Variants in MRC2 observed in about 807,000 individuals in gnomAD.
MRC2 encodes the protein mannose receptor C-type 2.
In MRC2, 84 loss-of-function variants were observed where a neutral mutation model predicts 206.2. That is an observed-to-expected ratio of 0.41 (90% CI 0.34 to 0.49). The LOEUF is 0.49. Ranked by LOEUF, MRC2 falls within the 20% of genes least tolerant of loss-of-function variation. MRC2 has a pLI of 0.31. For missense variants in MRC2, 1,676 were observed against 2,001.5 expected (o/e 0.84, Z 3.10); for synonymous variants, 798 against 800.0 (o/e 1.00, Z 0.04).
chr17:62,634,921 T>C (rs1286353227), intron 1 of MRC2, among the ~76,000 whole-genome samples: 1 of 151,278 alleles, frequency 6.6e-6, no homozygotes, highest in African/African-American at 2.4e-5. Context: ...ACTTCCACCT[T>C]CCGAGTTCAG....
At chr17:62,640,291 CTGGTGTCTTTGTTCATTCATTCAGTTAAT>C (rs1363349807) in intron 1 of MRC2, among the ~76,000 whole-genome samples, 2 of 152,048 alleles carry the variant, frequency 1.3e-5, no homozygotes, top group African/African-American at 2.4e-5. Flanking sequence ...ATTCAGTTAA[CTGGTGTCTTTGTTCATTCATTCAGTTAAT>C]TGGTGTCTTT....
chr17:62,680,219 G>T lies in MRC2; in HGVS notation c.2348G>T (p.Arg783Leu), dbSNP rs1487997233. Reference protein sequence around the residue: ...DRSRHDDDDIRGCAVLDLASL... With the variant: ...DRSRHDDDDILGCAVLDLASL... ...AGCCGGCACGACGACGACGACATCC[G>T]AGGCTGTGCGGTGCTGGACCTGGCC... Residue 783 changes from arginine to leucine, a missense_variant, in exon 15 of 30, where the codon CGA becomes CTA. Around this residue, in one of 3 missense-constraint regions of MRC2, gnomAD observed 1,354 missense variants for 1,636.6 expected, o/e 0.83. Coordinates refer to ENST00000303375, the MANE Select transcript of MRC2 (RefSeq NM_006039.5). This position sits in a 1 kb window ranked among gnomAD's most constrained non-coding sequence, Gnocchi z 4.8. The T allele has an allele frequency of 2.5e-6, 4 of 1,614,010 alleles. No individual in the cohort carries two copies. Among genetic ancestry groups the T allele is most frequent in the Admixed American group, 1.7e-5 (1 of 59,998 alleles).
rs372971962 is a variant in MRC2, at chr17:62,652,209, G to A, written c.119-12339G>A. Among the ~76,000 whole-genome samples the A allele has an allele frequency of 1.3e-5, 2 of 152,194 alleles. No homozygotes were observed. Among genetic ancestry groups the A allele is most frequent in the Admixed American group, 6.5e-5 (1 of 15,280 alleles). On this transcript the variant is annotated intron_variant, in intron 1 of 29. Coordinates refer to ENST00000303375, the MANE Select transcript of MRC2 (RefSeq NM_006039.5). The surrounding 1 kb of genome is among the most constrained non-coding windows in gnomAD (Gnocchi z 4.6). ...TATGGATGTCTCCTAATAAAGTCACGCAGTCACTCACTGGTTCGTCCTCAA... is the reference window on the plus strand; with the variant it reads ...TATGGATGTCTCCTAATAAAGTCACACAGTCACTCACTGGTTCGTCCTCAA...
chr17:62,650,868 G>A (rs905258555), intron 1 of MRC2, among the ~76,000 whole-genome samples: 5 of 152,172 alleles, frequency 3.3e-5, no homozygotes, highest in East Asian at 3.9e-4. Flanking sequence ...CGGTATTGAC[G>A]TAAATGATAT....
chr17:62,636,432 TTA>T (rs2088319632), intron 1 of MRC2, among the ~76,000 whole-genome samples: 1 of 150,932 alleles, frequency 6.6e-6, no homozygotes, highest in Admixed American at 6.6e-5. Flanking sequence ...CCAATGAAGA[TTA>T]GTAGTAGTTC....
chr17:62,690,128 G>A (rs769003604), intron 25 of MRC2, 28 bp from the exon 26 acceptor site: 2 of 1,588,548 alleles, frequency 1.3e-6, no homozygotes, highest in African/African-American at 1.3e-5. Flanking sequence ...AGGGTGCTGA[G>A]CCACTTCTTA....
At chr17:62,687,834 G>T (rs997536003) in intron 20 of MRC2, among the ~76,000 whole-genome samples, 4 of 151,802 alleles carry the variant, frequency 2.6e-5, no homozygotes, top group Non-Finnish European at 4.4e-5. Flanking sequence ...AGTGAGCCGA[G>T]ATGGCGCCAC....
chr17:62,666,380 C>T lies in MRC2; in HGVS notation c.695-75C>T. The T allele has an allele frequency of 1.2e-6, 2 of 1,604,906 alleles. No homozygotes were observed. Among genetic ancestry groups the T allele is most frequent in the Non-Finnish European group, 8.5e-7 (1 of 1,176,740 alleles). On this transcript the variant is annotated intron_variant, in intron 3 of 29. Coordinates refer to ENST00000303375, the MANE Select transcript of MRC2 (RefSeq NM_006039.5). This position sits in a 1 kb window ranked among gnomAD's most constrained non-coding sequence, Gnocchi z 5.0. Reference sequence around the variant, plus strand: ...TGCCCCCTCCCCTACCTAGTGTAGCCTTTTGGTGGGGGAGGGTCTGCACTC... The same window carrying T: ...TGCCCCCTCCCCTACCTAGTGTAGCTTTTTGGTGGGGGAGGGTCTGCACTC...
chr17:62,636,088 AT>A (rs1210168049), intron 1 of MRC2, among the ~76,000 whole-genome samples: 274 of 144,066 alleles, frequency 1.9e-3, no homozygotes, highest in Admixed American at 2.8e-3. Context: ...CGCCCGGCCA[AT>A]TTTTTTTTTT....
chr17:62,661,470 G>A (rs1049529264), intron 1 of MRC2, among the ~76,000 whole-genome samples: 2 of 151,826 alleles, frequency 1.3e-5, no homozygotes, highest in South Asian at 2.1e-4. Flanking sequence ...TTTGGTAGAA[G>A]CTCTTCTTTC....
chr17:62,661,786 G>C (rs974024701), intron 1 of MRC2: 4 of 151,912 alleles, frequency 2.6e-5, no homozygotes, highest in African/African-American at 9.7e-5. Flanking sequence ...ATATATTTTT[G>C]TCATTTATTT....
Position 62,690,950 on chromosome 17 carries a change from A to C in MRC2, c.4014A>C (p.Gly1338=). The C allele has an allele frequency of 6.3e-7, 1 of 1,597,620 alleles. No individual in the cohort carries two copies. The part of the protein sequence containing the change: ...AWLGMNFNPK[G]GTLVWQDNTA... ...CCCTCAGTGCCTTCTTTCCTGCAGG[A>C]GGCACTCTGGTCTGGCAGGACAACA... The change falls in exon 28 of 30, where the codon GGA becomes GGC. Residue 1338 remains glycine (G), a splice_region_variant and synonymous_variant. Transcript: ENST00000303375.
In MRC2 at chr17:62,664,460, C is replaced by T; in HGVS notation, c.119-88C>T. 1 of 1,411,754 alleles carries T rather than the reference C, an allele frequency of 7.1e-7. No homozygotes were observed. Among genetic ancestry groups the T allele is most frequent in the Admixed American group, 2.0e-5 (1 of 50,188 alleles). The allele number at this position is 1,411,754 out of a possible 1,614,324, so 87.5% of individuals were successfully genotyped here. ...ACGGCTCACCATCCTGCACTGGGCA[C>T]ATGGTAGGTGCCTGTCAGCCACACC... On this transcript the variant is annotated intron_variant, in intron 1 of 29. Transcript: ENST00000303375. This position sits in a 1 kb window ranked among gnomAD's most constrained non-coding sequence, Gnocchi z 4.7.
Position 62,680,535 on chromosome 17 carries a change from G to A in MRC2, c.2473+82G>A, listed in dbSNP as rs2088951218. 3 of 1,560,504 alleles carry A rather than the reference G, an allele frequency of 1.9e-6. No individual in the cohort carries two copies. In the South Asian group the frequency reaches 3.4e-5, roughly 18 times the overall value. ...GGGGTAAGTCCCGAGAGGCCTGAAT[G>A]AAATGGAGGGGATGAGGAGTTCCGG... is the stretch of plus-strand genomic sequence containing the variant. On this transcript the variant is annotated intron_variant, in intron 16 of 29. Transcript: ENST00000303375. This position sits in a 1 kb window ranked among gnomAD's most constrained non-coding sequence, Gnocchi z 4.8.
chr17:62,665,945 C>T, intron 2 of MRC2, 149 bp from the exon 3 acceptor site: 1 of 756,786 alleles, frequency 1.3e-6, no homozygotes, highest in South Asian at 1.9e-5. Context: ...GCCTTAAAGC[C>T]ACTATGGGGT....
chr17:62,676,358 G>A (rs752903244), intron 10 of MRC2, 25 bp from the exon 11 acceptor site: 7 of 1,612,388 alleles, frequency 4.3e-6, no homozygotes, highest in Non-Finnish European at 5.1e-6. Context: ...GGAGATCCCT[G>A]CCCTGACCAG....
In MRC2 at chr17:62,689,925, A is replaced by G; in HGVS notation, c.3605A>G (p.Glu1202Gly). Residue 1202 changes from glutamate (E) to glycine (G), a missense_variant, in exon 25 of 30, where the codon GAG becomes GGG. Physicochemically the swap from Glu to Gly is moderately conservative, Grantham distance 98 (BLOSUM62 -2). Coordinates refer to ENST00000303375, the MANE Select transcript of MRC2 (RefSeq NM_006039.5). The part of the protein sequence containing the change: ...GSRRYSWVSE[E>G]PLNYVGWQDG... ...CGGCGGTACTCCTGGGTCTCAGAGGAGCCGCTGAACTACGTGGGCTGGCAG... is the reference window on the plus strand; with the variant it reads ...CGGCGGTACTCCTGGGTCTCAGAGGGGCCGCTGAACTACGTGGGCTGGCAG... The G allele has an allele frequency of 6.2e-7, 1 of 1,605,862 alleles. No homozygotes were observed. Among genetic ancestry groups the G allele is most frequent in the Non-Finnish European group, 8.5e-7 (1 of 1,177,310 alleles).
At chr17:62,665,388 G>A (rs1412651521) in intron 2 of MRC2, among the ~76,000 whole-genome samples, 2 of 138,628 alleles carry the variant, frequency 1.4e-5, no homozygotes, top group East Asian at 2.1e-4. Context: ...CTGGGTGACA[G>A]AGCAAGACTC....
Position 62,690,687 on chromosome 17 carries a change from TTGTC to T in MRC2, c.3941_3944del (p.Val1314GlyfsTer18), listed in dbSNP as rs761626028. The T allele has an allele frequency of 2.5e-6, 4 of 1,613,010 alleles. No individual in the cohort carries two copies. The highest frequency in any genetic ancestry group is 3.4e-6 in the Non-Finnish European group (4 of 1,179,550). The stretch of plus-strand genomic sequence containing the variant: ...ATCCTGGATGAGATGGAGAATGTGT[TTGTC>T]TGGGAGCACCTGCAGAGCTATGAGG... On this transcript the variant is annotated frameshift_variant, in exon 27 of 30. Coordinates refer to ENST00000303375, the MANE Select transcript of MRC2 (RefSeq NM_006039.5). LOFTEE classifies it high-confidence loss of function.
Sources: allele counts gnomAD v4.1 joint callset (sites outside exome capture counted in the v4.1 genomes callset), GRCh38; gene constraint gnomAD v4.1.1; regional missense constraint gnomAD v4.1.1; non-coding constraint Gnocchi (gnomAD v3.1); transcripts MANE v1.5; gene names NCBI Gene and HGNC (gene_info 2026-07-23, HGNC 2026-07-21).